The following PAPPA variants were observed in gnomAD, a reference collection of about 807,000 sequenced individuals.
PAPPA encodes the protein pappalysin-1.
Under a neutral mutation model 164.0 loss-of-function variants are expected in PAPPA, and 60 were observed. That is an observed-to-expected ratio of 0.37 (90% CI 0.30 to 0.45). The LOEUF (loss-of-function observed/expected upper bound fraction) is 0.45, where lower values mean the gene tolerates loss of function less well. Among genes scored for constraint, PAPPA ranks in the 20% least tolerant of loss-of-function variants. PAPPA has a pLI of 1.00. For missense variants in PAPPA, 1,782 were observed against 2,087.3 expected, an observed-to-expected ratio of 0.85 and a Z score of 2.85; for synonymous variants, 875 against 814.1, an observed-to-expected ratio of 1.07 and a Z score of -1.27.
At chr9:116,172,940 A>T (rs1400111049) in intron 1 of PAPPA, among the ~76,000 whole-genome samples, 1 of 152,240 alleles carries the variant, frequency 6.6e-6, no homozygotes, top group East Asian at 1.9e-4. Flanking sequence ...CACTGAGGAT[A>T]TGAAGTCAAA....
At chr9:116,170,246 A>G (rs1449879890) in intron 1 of PAPPA, among the ~76,000 whole-genome samples, 1 of 152,202 alleles carries the variant, frequency 6.6e-6, no homozygotes, top group Admixed American at 6.5e-5. Flanking sequence ...GGGATCTGTG[A>G]TAATGAGAAT....
chr9:116,286,005 G>A (rs1276394915), intron 9 of PAPPA: 5 of 152,078 alleles, frequency 3.3e-5, no homozygotes, highest in African/African-American at 1.2e-4. Flanking sequence ...CCCCTGAACT[G>A]GGCTGCTTGT....
At chr9:116,180,494 A>G (rs905451247) in intron 1 of PAPPA, among the ~76,000 whole-genome samples, 2 of 152,154 alleles carry the variant, frequency 1.3e-5, no homozygotes, top group Non-Finnish European at 2.9e-5. Context: ...TAGTAAAGAG[A>G]CTACTAAATA....
chr9:116,345,317 G>A (rs1846192905), intron 14 of PAPPA, among the ~76,000 whole-genome samples: 1 of 151,930 alleles, frequency 6.6e-6, no homozygotes, highest in Non-Finnish European at 1.5e-5. Context: ...GAGGTGCCTT[G>A]GAAAAGTGAC....
chr9:116,213,473 A>C (rs112167198), intron 4 of PAPPA, among the ~76,000 whole-genome samples: 3 of 152,122 alleles, frequency 2.0e-5, no homozygotes, highest in Admixed American at 1.3e-4. Flanking sequence ...CTGGGCTCCC[A>C]TTCCCAGCCA....
At position 116,397,485 on chromosome 9, in the gene PAPPA, GAAT is replaced by G. The variant is rs752988036; in HGVS notation, c.*873_*875del. 1.3e-5 allele frequency: 2 copies of G among 152,602 alleles called. No homozygotes were observed. The highest frequency in any genetic ancestry group is 2.9e-5 in the Non-Finnish European group (2 of 68,088). 9.5% of individuals were successfully genotyped at this position (152,602 alleles called of 1,614,324 possible). A position where few individuals can be genotyped will look rare whatever the true frequency, so the allele number is the denominator to read the frequency against. ...TTCCTGCTGCTCTATCCTATACATT[GAAT>G]AATCCAAGATGGTAGAACTAGGTTA... On this transcript the variant is annotated 3_prime_UTR_variant, in exon 22 of 22. Transcript: ENST00000328252.
rs536026993 is a variant in PAPPA, at chr9:116,251,894, A to G, written c.2733-13963A>G. Among the ~76,000 whole-genome samples, 8 of 152,334 alleles carry G rather than the reference A, an allele frequency of 5.3e-5. No individual in the cohort carries two copies. In the South Asian group the frequency reaches 1.7e-3, roughly 32 times the overall value. ...AAATCTCAGTCTGACACAAATTACC[A>G]GTTAAATCTCAGGACCGCTGTTACC... On this transcript the variant is annotated intron_variant, in intron 7 of 21. Transcript: ENST00000328252.
In PAPPA at chr9:116,187,319, G is replaced by T. The variant is rs769828151; in HGVS notation, c.581G>T (p.Gly194Val). ...AATGCCCACCGCAGCTACCTCCCAGGCCAGTGGGTATACCTAGCTGCCACC... is the reference window on the plus strand; with the variant it reads ...AATGCCCACCGCAGCTACCTCCCAGTCCAGTGGGTATACCTAGCTGCCACC... ...TINAHRSYLP[G>V]QWVYLAATYD... The change falls in exon 2 of 22, where the codon GGC becomes GTC. Residue 194 changes from glycine (G) to valine (V), a missense_variant. Physicochemically the swap from Gly to Val is moderately radical, Grantham distance 109. Around this residue, in one of 2 missense-constraint regions of PAPPA, gnomAD observed 458 missense variants for 430.3 expected, o/e 1.06. Transcript: ENST00000328252. The surrounding 1 kb of genome is among the most constrained non-coding windows in gnomAD (Gnocchi z 4.2). 6.2e-7 allele frequency: 1 copy of T among 1,614,086 alleles called. No homozygotes were observed. Among genetic ancestry groups the T allele is most frequent in the South Asian group, 1.1e-5 (1 of 91,080 alleles).
chr9:116,275,722 T>G (rs1301409371), intron 9 of PAPPA, among the ~76,000 whole-genome samples: 3 of 151,980 alleles, frequency 2.0e-5, no homozygotes, highest in African/African-American at 7.3e-5. Context: ...TTCCTCCACC[T>G]CTTCTACCTT....
chr9:116,281,845 T>G (rs908407320), intron 9 of PAPPA, among the ~76,000 whole-genome samples: 1 of 152,136 alleles, frequency 6.6e-6, no homozygotes, highest in Non-Finnish European at 1.5e-5. Context: ...CACACCCCAC[T>G]TAACCATCCT....
chr9:116,339,007 C>T (rs368345633), intron 13 of PAPPA, among the ~76,000 whole-genome samples: 26 of 152,254 alleles, frequency 1.7e-4, no homozygotes, highest in East Asian at 1.2e-3. Context: ...AAGTTCTAAG[C>T]AAGACAAGTG....
chr9:116,279,928 T>C (rs546701675), intron 9 of PAPPA, among the ~76,000 whole-genome samples: 4 of 152,240 alleles, frequency 2.6e-5, no homozygotes, highest in African/African-American at 7.2e-5. Flanking sequence ...CTGAGGGAAA[T>C]TGAAATATTA....
Position 116,281,219 on chromosome 9 carries a change from A to T in PAPPA, c.2953+9803A>T, listed in dbSNP as rs191111289. Among the ~76,000 whole-genome samples, 6 of 152,320 alleles carry T rather than the reference A, an allele frequency of 3.9e-5. No homozygotes were observed. The East Asian group carries it at 9.6e-4, about 24-fold the overall frequency. Reference sequence around the variant, plus strand: ...CAGATTTTTGTATCCAAGGGGGTCCAGAGACCAATGCTTCGAAGATACCTA... The same window carrying T: ...CAGATTTTTGTATCCAAGGGGGTCCTGAGACCAATGCTTCGAAGATACCTA... On this transcript the variant is annotated intron_variant, in intron 9 of 21. Coordinates refer to ENST00000328252, the MANE Select transcript of PAPPA (RefSeq NM_002581.5).
At chr9:116,264,318 A>G (rs372661890) in intron 7 of PAPPA, among the ~76,000 whole-genome samples, 78 of 152,344 alleles carry the variant, frequency 5.1e-4, no homozygotes, top group Middle Eastern at 6.8e-3. Flanking sequence ...ATGCATAAAA[A>G]TCTCTCAAGA....
intron 10 of PAPPA, among the ~76,000 whole-genome samples, chr9:116,329,398 A>G (rs900728701): frequency 2.0e-5 from 3 of 152,178 alleles, no homozygotes; most frequent in Non-Finnish European, 2.9e-5. Flanking sequence ...AAAACCACCT[A>G]TGTATAACAG....
intron 21 of PAPPA, among the ~76,000 whole-genome samples, chr9:116,384,608 A>C (rs1435375894): frequency 3.3e-5 from 5 of 152,074 alleles, no homozygotes; most frequent in Non-Finnish European, 7.4e-5. Context: ...TTTTCTTATA[A>C]TTTTAACTAA....
At chr9:116,341,915 A>G (rs1564233339) in intron 13 of PAPPA, among the ~76,000 whole-genome samples, 1 of 152,236 alleles carries the variant, frequency 6.6e-6, no homozygotes, top group Non-Finnish European at 1.5e-5. Context: ...CAGGGGCTGG[A>G]GCCCAGATTT....
At position 116,367,686 on chromosome 9, in the gene PAPPA, T is replaced by C. The variant is rs142592736; in HGVS notation, c.4537T>C (p.Ser1513Pro). The C allele has an allele frequency of 1.2e-4, 193 of 1,613,928 alleles. No individual in the cohort carries two copies. In the African/African-American group the frequency reaches 2.2e-3, roughly 19 times the overall value. The change falls in exon 19 of 22, where the codon TCC becomes CCC. Residue 1513 changes from serine (S) to proline (P), a missense_variant. This residue lies in a region of PAPPA where 1,324 missense variants were observed against 1,656.9 expected (regional missense o/e 0.80). Coordinates refer to ENST00000328252, the MANE Select transcript of PAPPA (RefSeq NM_002581.5). ...ATSCLDHNSESIILPMNVTVR... is the reference protein window; with the variant it reads ...ATSCLDHNSEPIILPMNVTVR... Reference sequence around the variant, plus strand: ...CTCGTGCCTGGACCACAACAGCGAGTCCATCATCCTGCCAATGAACGTGAC... The same window carrying C: ...CTCGTGCCTGGACCACAACAGCGAGCCCATCATCCTGCCAATGAACGTGAC...
chr9:116,396,078 G>C (rs2118738244), intron 21 of PAPPA, among the ~76,000 whole-genome samples: 1 of 152,264 alleles, frequency 6.6e-6, no homozygotes, highest in East Asian at 1.9e-4. Context: ...TCTACATAGG[G>C]ACCTGAGGCT....
Sources: gnomAD v4.1 joint callset for allele counts (sites outside exome capture counted in the v4.1 genomes callset) on GRCh38, gnomAD v4.1.1 for gene constraint, gnomAD v4.1.1 regional missense constraint, Gnocchi (gnomAD v3.1) non-coding constraint, MANE v1.5 for transcripts, NCBI Gene and HGNC (gene_info 2026-07-23, HGNC 2026-07-21) for gene names.